Variants in SPHKAP observed in about 807,000 individuals in gnomAD.
SPHKAP encodes A-kinase anchor protein SPHKAP.
A neutral mutation model predicts 137.5 loss-of-function variants in SPHKAP; 67 were observed. The observed-to-expected ratio is 0.49, with a 90% CI of 0.40 to 0.60. The LOEUF is 0.60. Ranked by LOEUF, SPHKAP falls within the 20% of genes least tolerant of loss-of-function variation. SPHKAP has a pLI of 0.00. For missense variants in SPHKAP, 2,097 were observed against 2,069.3 expected (o/e 1.01, Z -0.26); for synonymous variants, 813 against 785.3 (o/e 1.04, Z -0.59).
chr2:228,134,398 T>G (rs1003446588), intron 1 of SPHKAP, among the ~76,000 whole-genome samples: 21 of 152,180 alleles, frequency 1.4e-4, no homozygotes, highest in African/African-American at 5.1e-4. Flanking sequence ...AATGACATGT[T>G]TGGACTAAAG....
chr2:228,036,310 A>T (rs1464337764), intron 3 of SPHKAP, among the ~76,000 whole-genome samples: 2 of 152,242 alleles, frequency 1.3e-5, no homozygotes, highest in East Asian at 3.8e-4. Flanking sequence ...CATCAGAGAA[A>T]TGCAAAGCAA....
At position 228,045,654 on chromosome 2, in the gene SPHKAP, C is replaced by T. The variant is rs545322811; in HGVS notation, c.247-18111G>A. Reference sequence around the variant, plus strand: ...AGGAGATATACCTAATGCTAAATGACGAGTTAATGGGTGCAGCACACCAGC... The same window carrying T: ...AGGAGATATACCTAATGCTAAATGATGAGTTAATGGGTGCAGCACACCAGC... On this transcript the variant is annotated intron_variant, in intron 3 of 11. Coordinates refer to ENST00000392056, the MANE Select transcript of SPHKAP (RefSeq NM_001142644.2). Among the ~76,000 whole-genome samples, 9 of 151,646 alleles carry T rather than the reference C, an allele frequency of 5.9e-5. No homozygotes were observed. The East Asian group carries it at 9.7e-4, about 16-fold the overall frequency.
chr2:228,020,681 T>A (rs1441780987), intron 6 of SPHKAP, among the ~76,000 whole-genome samples: 2 of 152,096 alleles, frequency 1.3e-5, no homozygotes, highest in Non-Finnish European at 2.9e-5. Flanking sequence ...CAAACCTGCA[T>A]GTTGTGCACA....
chr2:228,154,532 A>ATTTTTT (rs1168623467), intron 1 of SPHKAP, among the ~76,000 whole-genome samples: 1 of 29,404 alleles, frequency 3.4e-5, no homozygotes, highest in African/African-American at 1.4e-4. Flanking sequence ...ATATATATAT[A>ATTTTTT]TTTTTTTTTT....
At chr2:228,132,343 G>T in intron 1 of SPHKAP, 1 of 168,024 alleles carries the variant, frequency 6.0e-6, no homozygotes, top group Non-Finnish European at 1.2e-5. Context: ...GGACATCATT[G>T]CATCTGTCTG....
chr2:228,064,889 T>TTCACA (rs1199833054), intron 3 of SPHKAP, among the ~76,000 whole-genome samples: 1 of 152,202 alleles, frequency 6.6e-6, no homozygotes, highest in Non-Finnish European at 1.5e-5. Flanking sequence ...TGCCAAAAAT[T>TTCACA]TCACATCTTG....
intron 1 of SPHKAP, among the ~76,000 whole-genome samples, chr2:228,149,434 T>C (rs1267449771): frequency 6.6e-6 from 1 of 152,224 alleles, no homozygotes; most frequent in Non-Finnish European, 1.5e-5. Context: ...TGATAGTCAC[T>C]GGTAAATCAT....
At chr2:227,996,007 A>G (rs1693629167) in intron 7 of SPHKAP, 1 of 985,326 alleles carries the variant, frequency 1.0e-6, no homozygotes, top group Admixed American at 6.1e-5. Context: ...ATGTTTAAAA[A>G]GAAGATACAC....
At chr2:228,108,711 C>T (rs986211768) in intron 3 of SPHKAP, 121 bp downstream of exon 3, 3 of 667,948 alleles carry the variant, frequency 4.5e-6, no homozygotes, top group Non-Finnish European at 7.6e-6. Context: ...TATGTATTTT[C>T]AAAGGAATAT....
intron 1 of SPHKAP, among the ~76,000 whole-genome samples, chr2:228,159,568 A>G (rs565135494): frequency 3.3e-5 from 5 of 152,330 alleles, no homozygotes; most frequent in African/African-American, 1.2e-4. Context: ...TCCCTGGGTT[A>G]TAAAATTGAA....
At chr2:228,030,476 C>T in intron 3 of SPHKAP, among the ~76,000 whole-genome samples, 1 of 128,092 alleles carries the variant, frequency 7.8e-6, no homozygotes, top group Non-Finnish European at 1.5e-5. Context: ...GATAACGCCA[C>T]TGCACTCCAG....
At chr2:228,089,994 T>C (rs1697669232) in intron 3 of SPHKAP, among the ~76,000 whole-genome samples, 1 of 152,170 alleles carries the variant, frequency 6.6e-6, no homozygotes. Context: ...GAAGTCACCA[T>C]ACAGAGTCCC....
At chr2:227,999,060 G>A (rs1436527820) in intron 7 of SPHKAP, among the ~76,000 whole-genome samples, 1 of 152,114 alleles carries the variant, frequency 6.6e-6, no homozygotes, top group African/African-American at 2.4e-5. Context: ...ATTTAAAAAA[G>A]TTCTCATATA....
At chr2:227,986,726 G>A (rs1693226474) in intron 11 of SPHKAP, among the ~76,000 whole-genome samples, 1 of 152,030 alleles carries the variant, frequency 6.6e-6, no homozygotes, top group South Asian at 2.1e-4. Context: ...TTCCTCCTTG[G>A]GCACATTCCT....
intron 3 of SPHKAP, among the ~76,000 whole-genome samples, chr2:228,056,023 T>C (rs959600740): frequency 6.6e-6 from 1 of 152,228 alleles, no homozygotes; most frequent in African/African-American, 2.4e-5. Context: ...AATGACAGGA[T>C]GAAGCTTAGA....
chr2:228,017,151 T>C lies in SPHKAP; in HGVS notation c.3703A>G (p.Arg1235Gly). 6.2e-7 allele frequency: 1 copy of C among 1,614,012 alleles called. No individual in the cohort carries two copies. Among genetic ancestry groups the C allele is most frequent in the Non-Finnish European group, 8.5e-7 (1 of 1,180,016 alleles). ...SPSLRSPVCH[R>G]QSSMPDSRSP... is the part of the protein sequence containing the mutation. ...CTGCTGTCTGGCATGGACGACTGTCTGTGGCACACTGGGGATCGCAGAGAA... is the reference window on the plus strand; with the variant it reads ...CTGCTGTCTGGCATGGACGACTGTCCGTGGCACACTGGGGATCGCAGAGAA... Residue 1235 changes from arginine to glycine, a missense_variant, in exon 7 of 12, where the codon AGA (arginine) becomes GGA (glycine). Coordinates refer to ENST00000392056, the MANE Select transcript of SPHKAP (RefSeq NM_001142644.2).
At chr2:228,174,550 C>T (rs1700682999) in intron 1 of SPHKAP, among the ~76,000 whole-genome samples, 1 of 152,184 alleles carries the variant, frequency 6.6e-6, no homozygotes, top group African/African-American at 2.4e-5. Context: ...TTTAACTTTT[C>T]TCAGTCTTCG....
intron 7 of SPHKAP, among the ~76,000 whole-genome samples, chr2:228,007,867 C>T (rs1559343264): frequency 6.6e-6 from 1 of 151,988 alleles, no homozygotes; most frequent in Admixed American, 6.6e-5. Flanking sequence ...ATAGAGAAGA[C>T]TAAAAATGGA....
chr2:228,084,583 T>C (rs1559164727), intron 3 of SPHKAP, among the ~76,000 whole-genome samples: 1 of 152,246 alleles, frequency 6.6e-6, no homozygotes, highest in Non-Finnish European at 1.5e-5. Context: ...ATCTTAAATG[T>C]CCTGTGGAGC....
Sources: gnomAD v4.1 joint callset for allele counts (sites outside exome capture counted in the v4.1 genomes callset) on GRCh38, gnomAD v4.1.1 for gene constraint, MANE v1.5 for transcripts, NCBI Gene and HGNC (gene_info 2026-07-23, HGNC 2026-07-21) for gene names.